SCN9A: variants seen among roughly 807,000 people sequenced by gnomAD.
SCN9A encodes sodium channel protein type 9 subunit alpha.
A neutral mutation model predicts 187.0 loss-of-function variants in SCN9A; 131 were observed. The ratio of observed to expected loss-of-function variants is 0.70; its 90% CI spans 0.61 to 0.81. The LOEUF (loss-of-function observed/expected upper bound fraction) is 0.81, where lower values mean the gene tolerates loss of function less well. SCN9A is among the 30% of genes least tolerant of loss of function. The pLI, the probability that SCN9A is intolerant of heterozygous loss-of-function variation, is 0.00. For synonymous variants in SCN9A, 809 were observed against 808.6 expected (o/e 1.00, Z -0.01); for missense variants, 2,252 against 2,396.6 (o/e 0.94, Z 1.26).
chr2:166,336,429 T>A (rs1699629563), intron 1 of SCN9A, among the ~76,000 whole-genome samples: 1 of 152,072 alleles, frequency 6.6e-6, no homozygotes, highest in African/African-American at 2.4e-5. Context: ...CGGACTCTCC[T>A]CCCTCATGGG....
chr2:166,228,413 C>T (rs1391068797), intron 22 of SCN9A, among the ~76,000 whole-genome samples: 2 of 151,732 alleles, frequency 1.3e-5, no homozygotes, highest in African/African-American at 4.8e-5. Context: ...CCTGCCACCA[C>T]ACCCAGCTAA....
chr2:166,346,830 T>G (rs1699912607), intron 1 of SCN9A, among the ~76,000 whole-genome samples: 1 of 152,146 alleles, frequency 6.6e-6, no homozygotes, highest in Non-Finnish European at 1.5e-5. Context: ...TAATTTGTGA[T>G]AGTAGGTGAA....
rs1295607627 is a variant in SCN9A at position 166,233,380 on chromosome 2, A to G, written c.3884T>C (p.Leu1295Ser). ...PIKSLRTLRALRPLRALSRFE... is the reference protein window; with the variant it reads ...PIKSLRTLRASRPLRALSRFE... Reference sequence around the variant, plus strand: ...TCTAGATAAGGCTCTTAGAGGTCTTAAAGCTCTCAGTGTCCGAAGGGATTT... The same window carrying G: ...TCTAGATAAGGCTCTTAGAGGTCTTGAAGCTCTCAGTGTCCGAAGGGATTT... Residue 1295 changes from leucine to serine, a missense_variant, in exon 21 of 27, where the codon TTA becomes TCA. By Grantham distance (145) the Leu-to-Ser change is moderately radical. This residue lies in a region of SCN9A where 368 missense variants were observed against 408.6 expected (regional missense o/e 0.90). Transcript: ENST00000642356. The G allele has an allele frequency of 6.3e-7, 1 of 1,576,674 alleles. No individual in the cohort carries two copies. Among genetic ancestry groups the G allele is most frequent in the Admixed American group, 1.9e-5 (1 of 53,548 alleles).
intron 2 of SCN9A, among the ~76,000 whole-genome samples, chr2:166,309,386 A>G (rs923988526): frequency 1.3e-5 from 2 of 152,198 alleles, no homozygotes; most frequent in African/African-American, 4.8e-5. Context: ...AGGAAAAAAT[A>G]GGTATGATTA....
chr2:166,198,841 G>GCCATATCT lies in SCN9A; in HGVS notation c.5790_5797dup (p.Ala1933GlufsTer32), dbSNP rs746685972. 1.2e-6 allele frequency: 2 copies of GCCATATCT among 1,613,562 alleles called. No homozygotes were observed. Among genetic ancestry groups the GCCATATCT allele is most frequent in the Middle Eastern group, 1.7e-4 (1 of 6,060 alleles). ...TGAGTTCTCATTAACATTATCAAAAGCCATATCTTTTTTATTGAGTAAATC... is the reference window on the plus strand; with the variant it reads ...TGAGTTCTCATTAACATTATCAAAAGCCATATCTCCATATCTTTTTTATTGAGTAAATC... On this transcript the variant is annotated frameshift_variant, in exon 27 of 27. Transcript: ENST00000642356. LOFTEE classifies it high-confidence loss of function.
At chr2:166,310,741 T>G (rs1298419184) in intron 2 of SCN9A, among the ~76,000 whole-genome samples, 2 of 117,808 alleles carry the variant, frequency 1.7e-5, no homozygotes, top group Admixed American at 8.2e-5. Context: ...GCCATCCCAT[T>G]ACTGGGTATA....
In SCN9A at chr2:166,305,815, C is replaced by G. The variant is rs1171516387; in HGVS notation, c.573G>C (p.Leu191=). 1 of 1,613,138 alleles carries G rather than the reference C, an allele frequency of 6.2e-7. No individual in the cohort carries two copies. The highest frequency in any genetic ancestry group is 1.7e-5 in the Admixed American group (1 of 59,912). The part of the protein sequence containing the change: ...FTFLRDPWNW[L]DFVVIVFAYL... The stretch of plus-strand genomic sequence containing the variant: ...ACGCAAAAACAATGACGACAAAATC[C>G]AGCCAGTTCCACGGGTCACGAAGAA... Residue 191 remains leucine (L), a synonymous_variant, in exon 5 of 27, where the codon CTG becomes CTC. Transcript: ENST00000642356.
chr2:166,276,284 A>G (rs1373026825), intron 16 of SCN9A: 1 of 152,166 alleles, frequency 6.6e-6, no homozygotes, highest in Non-Finnish European at 1.5e-5. Context: ...AATGATAAAT[A>G]TTTTAGACTT....
In SCN9A at chr2:166,228,723, C is replaced by T. The variant is rs1694953349; in HGVS notation, c.4174G>A (p.Val1392Ile). The change falls in exon 22 of 27, where the codon GTC becomes ATC. Residue 1392 changes from valine to isoleucine, a missense_variant. By Grantham distance (29) the Val-to-Ile change is conservative (BLOSUM62 3). Transcript: ENST00000642356. ...AGCAGAGATAGGTAACCAAGTCCGA[C>T]ATTATCAAAGTTCACTTTCAGGTTT... ...WKNLKVNFDN[V>I]GLGYLSLLQV... 6.2e-7 allele frequency: 1 copy of T among 1,613,476 alleles called. No individual in the cohort carries two copies. Among genetic ancestry groups the T allele is most frequent in the Non-Finnish European group, 8.5e-7 (1 of 1,179,482 alleles).
chr2:166,330,359 T>C (rs1699470849), intron 1 of SCN9A, among the ~76,000 whole-genome samples: 1 of 152,202 alleles, frequency 6.6e-6, no homozygotes, highest in African/African-American at 2.4e-5. Flanking sequence ...TGAACATCTT[T>C]CTGTTTTCTT....
At chr2:166,202,719 T>C (rs1053046569) in intron 26 of SCN9A, among the ~76,000 whole-genome samples, 1 of 151,768 alleles carries the variant, frequency 6.6e-6, no homozygotes, top group African/African-American at 2.4e-5. Context: ...TATTAGATAA[T>C]TTACTTTATT....
At chr2:166,298,574 C>T (rs915787218) in intron 7 of SCN9A, 1 of 152,304 alleles carries the variant, frequency 6.6e-6, no homozygotes, top group South Asian at 2.1e-4. Flanking sequence ...TGCTCAGGTT[C>T]TCTGTGTAGA....
intron 16 of SCN9A, among the ~76,000 whole-genome samples, chr2:166,275,397 C>T (rs1697186802): frequency 6.6e-6 from 1 of 151,990 alleles, no homozygotes. Flanking sequence ...CCAGCCTGGC[C>T]AACATGACGA....
intron 1 of SCN9A, among the ~76,000 whole-genome samples, chr2:166,363,218 G>C (rs984441403): frequency 6.6e-6 from 1 of 151,998 alleles, no homozygotes; most frequent in African/African-American, 2.4e-5. Context: ...ATAAATCTAA[G>C]ATTCTAAATA....
intron 24 of SCN9A, among the ~76,000 whole-genome samples, chr2:166,213,490 A>AATAATG (rs1235105750): frequency 1.6e-3 from 234 of 147,570 alleles, no homozygotes; most frequent in South Asian, 0.011. Flanking sequence ...TAATAATAAT[A>AATAATG]ATAATGATAA....
chr2:166,220,129 A>G (rs1399490341), intron 24 of SCN9A, among the ~76,000 whole-genome samples: 1 of 152,230 alleles, frequency 6.6e-6, no homozygotes, highest in Non-Finnish European at 1.5e-5. Flanking sequence ...ATGCAGACCA[A>G]TAATGTGATA....
In SCN9A at chr2:166,240,938, A is replaced by G. The variant is rs539660176; in HGVS notation, c.3627+1564T>C. The stretch of plus-strand genomic sequence containing the variant: ...TCCTCAGCTGTGACATCAATCCACT[A>G]TATGTGTACACACTCATTCAGGCTC... On this transcript the variant is annotated intron_variant, in intron 19 of 26. Coordinates refer to ENST00000642356, the MANE Select transcript of SCN9A (RefSeq NM_001365536.1). Among the ~76,000 whole-genome samples the G allele has an allele frequency of 1.3e-3, 194 of 152,256 alleles. 1 individual carries two copies. Among genetic ancestry groups the G allele is most frequent in the Admixed American group, 3.5e-3 (53 of 15,268 alleles).
chr2:166,271,010 T>A (rs931714274), intron 17 of SCN9A, among the ~76,000 whole-genome samples: 10 of 151,924 alleles, frequency 6.6e-5, no homozygotes, highest in African/African-American at 2.2e-4. Context: ...ACAATAAAAA[T>A]AAAACTCAAT....
chr2:166,244,792 A>G (rs1695714871), intron 18 of SCN9A, among the ~76,000 whole-genome samples: 1 of 152,044 alleles, frequency 6.6e-6, no homozygotes, highest in African/African-American at 2.4e-5. Context: ...TGCATTTAGC[A>G]ATTTCACATC....
Sources: allele counts gnomAD v4.1 joint callset (sites outside exome capture counted in the v4.1 genomes callset), GRCh38; gene constraint gnomAD v4.1.1; regional missense constraint gnomAD v4.1.1; transcripts MANE v1.5; gene names NCBI Gene and HGNC (gene_info 2026-07-23, HGNC 2026-07-21).